CAMK2G: variants seen among roughly 807,000 people sequenced by gnomAD.
The protein encoded by CAMK2G is calcium/calmodulin dependent protein kinase II gamma.
CAMK2G carries 23 observed loss-of-function variants against 88.7 expected under a neutral mutation model. The ratio of observed to expected loss-of-function variants is 0.26; its 90% CI spans 0.19 to 0.37. CAMK2G has a LOEUF of 0.37. CAMK2G is among the 10% of genes least tolerant of loss of function. The pLI is 1.00. For synonymous variants in CAMK2G, 263 were observed against 294.8 expected (o/e 0.89, Z 1.11); for missense variants, 476 against 780.8 (o/e 0.61, Z 4.65).
At chr10:73,815,924 TAGAC>T (rs201523542) in intron 21 of CAMK2G, 23,992 of 985,164 alleles carry the variant, frequency 0.024, 314 homozygotes, top group Non-Finnish European at 0.027. Flanking sequence ...ATTCAAATGT[TAGAC>T]AGGGGCTACA....
At chr10:73,820,497 T>A (rs1484821281) in intron 18 of CAMK2G, among the ~76,000 whole-genome samples, 1,306 of 82,784 alleles carry the variant, frequency 0.016, 4 homozygotes, top group African/African-American at 0.052. Flanking sequence ...TATATATTTT[T>A]TTTTTTTTTT....
intron 2 of CAMK2G, among the ~76,000 whole-genome samples, chr10:73,867,452 C>T (rs944516835): frequency 6.6e-6 from 1 of 152,188 alleles, no homozygotes; most frequent in Non-Finnish European, 1.5e-5. Context: ...GTTTTGGTGA[C>T]ATTTCCTTCA....
At chr10:73,850,875 A>G (rs1375806761) in intron 5 of CAMK2G, among the ~76,000 whole-genome samples, 1 of 152,250 alleles carries the variant, frequency 6.6e-6, no homozygotes, top group Non-Finnish European at 1.5e-5. Flanking sequence ...GAGATGTATA[A>G]TTAGAACAGA....
intron 15 of CAMK2G, 29 bp from the exon 16 acceptor site, chr10:73,825,376 C>T (rs1303934072): frequency 6.3e-7 from 1 of 1,577,922 alleles, no homozygotes; most frequent in Non-Finnish European, 8.7e-7. Context: ...TGGTTTAGTT[C>T]CTCCAGAGTC....
intron 13 of CAMK2G, among the ~76,000 whole-genome samples, chr10:73,838,641 G>A (rs1048901420): frequency 1.3e-5 from 2 of 152,120 alleles, no homozygotes; most frequent in African/African-American, 2.4e-5. Flanking sequence ...CTTCCATTAC[G>A]AGAATTCTGA....
intron 12 of CAMK2G, among the ~76,000 whole-genome samples, chr10:73,841,369 C>T (rs1047741578): frequency 2.7e-5 from 4 of 150,844 alleles, no homozygotes; most frequent in South Asian, 2.2e-4. Context: ...GAGGGAGGAC[C>T]GGGGGAGATG....
chr10:73,818,110 G>A, intron 19 of CAMK2G: 1 of 167,136 alleles, frequency 6.0e-6, no homozygotes, highest in Non-Finnish European at 1.3e-5. Context: ...TAGGATGGAT[G>A]CTTCCCACTG....
chr10:73,842,395 C>T lies in CAMK2G; in HGVS notation c.903+63G>A, dbSNP rs2093868528. 7.6e-6 allele frequency: 10 copies of T among 1,315,124 alleles called. No homozygotes were observed. In the East Asian group the frequency reaches 9.2e-5, roughly 12 times the overall value. The allele number at this position is 1,315,124 out of a possible 1,614,324, so 81.5% of individuals were successfully genotyped here. A position where few individuals can be genotyped will look rare whatever the true frequency, so the allele number is the denominator to read the frequency against. ...AGGGGAGCTTCCTTCTGAAATGGGG[C>T]AGGAGCCACACTGGTGCAAGGCATG... On this transcript the variant is annotated intron_variant, in intron 11 of 22. Coordinates refer to ENST00000423381, the MANE Select transcript of CAMK2G (RefSeq NM_001367534.1). This position sits in a 1 kb window ranked among gnomAD's most constrained non-coding sequence, Gnocchi z 4.6.
intron 3 of CAMK2G, among the ~76,000 whole-genome samples, chr10:73,854,306 C>T (rs751951995): frequency 3.3e-5 from 5 of 152,190 alleles, no homozygotes; most frequent in Non-Finnish European, 7.4e-5. Context: ...CCCTGCTCCC[C>T]GCCTCCAAAG....
At chr10:73,818,620 C>A in intron 19 of CAMK2G, 1 of 447,156 alleles carries the variant, frequency 2.2e-6, no homozygotes, top group Non-Finnish European at 4.5e-6. Context: ...CAGCCAAAGG[C>A]ACATCCAGGA....
chr10:73,837,793 G>A (rs2093396400), intron 13 of CAMK2G, among the ~76,000 whole-genome samples: 2 of 152,172 alleles, frequency 1.3e-5, no homozygotes, highest in South Asian at 4.1e-4. Flanking sequence ...GCCGCCTGGG[G>A]CACTGGGGAC....
chr10:73,829,512 C>G (rs2091978329), intron 14 of CAMK2G, among the ~76,000 whole-genome samples: 1 of 151,936 alleles, frequency 6.6e-6, no homozygotes, highest in Non-Finnish European at 1.5e-5. Context: ...GTTGGCCAGG[C>G]TGGTCTCGAA....
chr10:73,870,208 T>C (rs764813755), intron 2 of CAMK2G, among the ~76,000 whole-genome samples: 4 of 152,212 alleles, frequency 2.6e-5, no homozygotes, highest in African/African-American at 9.6e-5. Context: ...AGCTCCTGCA[T>C]CCAAGCCTAT....
rs1481929310 is a variant in CAMK2G, at chr10:73,847,126, C to T, written c.819+99G>A. 9.4e-6 allele frequency: 12 copies of T among 1,280,130 alleles called. No homozygotes were observed. The Admixed American group carries it at 2.2e-4, about 23-fold the overall frequency. The allele number at this position is 1,280,130 out of a possible 1,614,324, so 79.3% of individuals were successfully genotyped here. A position where few individuals can be genotyped will look rare whatever the true frequency, so the allele number is the denominator to read the frequency against. On this transcript the variant is annotated intron_variant, in intron 10 of 22. Coordinates refer to ENST00000423381, the MANE Select transcript of CAMK2G (RefSeq NM_001367534.1). ...CGCCTGCTCAGTTATTGCTTGGGGC[C>T]CAGAATGAATCTCTGCTGGTAAGAA...
chr10:73,820,125 G>A (rs1168295579), intron 18 of CAMK2G, among the ~76,000 whole-genome samples: 1 of 152,070 alleles, frequency 6.6e-6, no homozygotes, highest in African/African-American at 2.4e-5. Flanking sequence ...GCCACCCAGG[G>A]CATGCTCTCC....
At position 73,823,998 on chromosome 10, in the gene CAMK2G, T is replaced by C; in HGVS notation, c.1200+42A>G. The C allele has an allele frequency of 2.6e-6, 4 of 1,561,182 alleles. No individual in the cohort carries two copies. The South Asian group carries it at 3.3e-5, about 13-fold the overall frequency. ...CCTGGGACCCAGCCCACCTGTCTCC[T>C]GCTGACCTGGAAAGCAGGAGGCAGG... On this transcript the variant is annotated intron_variant, in intron 17 of 22. Transcript: ENST00000423381.
At chr10:73,820,493 T>TATATATA (rs1491202927) in intron 18 of CAMK2G, among the ~76,000 whole-genome samples, 158 of 31,168 alleles carry the variant, frequency 5.1e-3, no homozygotes, top group African/African-American at 0.013. Flanking sequence ...TATATATATA[T>TATATATA]TTTTTTTTTT....
chr10:73,822,641 A>G (rs996629997), intron 17 of CAMK2G, among the ~76,000 whole-genome samples: 9 of 151,794 alleles, frequency 5.9e-5, no homozygotes, highest in Non-Finnish European at 2.9e-5. Flanking sequence ...TCACTCTCCT[A>G]TGGTTCTCCC....
At chr10:73,870,711 T>C (rs2095797463) in intron 2 of CAMK2G, among the ~76,000 whole-genome samples, 1 of 151,928 alleles carries the variant, frequency 6.6e-6, no homozygotes, top group Non-Finnish European at 1.5e-5. Context: ...GACACAGAAA[T>C]CCAACACCTG....
Sources: gnomAD v4.1 joint callset for allele counts (sites outside exome capture counted in the v4.1 genomes callset) on GRCh38, gnomAD v4.1.1 for gene constraint, Gnocchi (gnomAD v3.1) non-coding constraint, MANE v1.5 for transcripts, NCBI Gene and HGNC (gene_info 2026-07-23, HGNC 2026-07-21) for gene names.